Variants in ADAMTSL1 observed in about 807,000 individuals in gnomAD.
The protein encoded by ADAMTSL1 is ADAMTS like 1.
A neutral mutation model predicts 201.8 loss-of-function variants in ADAMTSL1; 126 were observed. That is an observed-to-expected ratio of 0.62 (90% CI 0.54 to 0.72). ADAMTSL1 has a LOEUF of 0.72. Among genes scored for constraint, ADAMTSL1 ranks in the 30% least tolerant of loss-of-function variants. The pLI is 0.00. For missense variants in ADAMTSL1, 2,679 were observed against 2,277.8 expected (o/e 1.18, Z -3.59); for synonymous variants, 1,121 against 903.4 (o/e 1.24, Z -4.32).
chr9:18,350,528 G>A (rs1285758053), intron 2 of ADAMTSL1, among the ~76,000 whole-genome samples: 5 of 151,636 alleles, frequency 3.3e-5, no homozygotes, highest in African/African-American at 1.2e-4. Flanking sequence ...TTTTTTCTGT[G>A]AAAACCCAGA....
chr9:18,294,533 G>T (rs1289117779), intron 2 of ADAMTSL1, among the ~76,000 whole-genome samples: 1 of 152,136 alleles, frequency 6.6e-6, no homozygotes, highest in Non-Finnish European at 1.5e-5. Context: ...CCTTTTTCCA[G>T]GTTTGCACAG....
chr9:18,031,839 G>C (rs1416832656), intron 1 of ADAMTSL1, among the ~76,000 whole-genome samples: 1 of 152,208 alleles, frequency 6.6e-6, no homozygotes, highest in South Asian at 2.1e-4. Context: ...GAGCTTGGCA[G>C]GGTCAGAGTG....
At chr9:18,218,510 G>A (rs149192371) in intron 2 of ADAMTSL1, among the ~76,000 whole-genome samples, 1 of 152,122 alleles carries the variant, frequency 6.6e-6, no homozygotes, top group African/African-American at 2.4e-5. Flanking sequence ...AACTGATAAA[G>A]TCTTTCTTTG....
chr9:18,189,570 A>G (rs1293059018), intron 2 of ADAMTSL1, among the ~76,000 whole-genome samples: 1 of 152,194 alleles, frequency 6.6e-6, no homozygotes, highest in East Asian at 1.9e-4. Flanking sequence ...AATTAAATAA[A>G]TAAATAAAAC....
At chr9:18,860,476 C>T (rs1217445669) in intron 23 of ADAMTSL1, among the ~76,000 whole-genome samples, 1 of 150,886 alleles carries the variant, frequency 6.6e-6, no homozygotes, top group East Asian at 1.9e-4. Context: ...CCATATGGCT[C>T]ACAAAGTCTA....
intron 2 of ADAMTSL1, among the ~76,000 whole-genome samples, chr9:18,377,028 A>G (rs535951686): frequency 6.6e-6 from 1 of 152,376 alleles, no homozygotes; most frequent in East Asian, 1.9e-4. Flanking sequence ...TGTGAAAACA[A>G]ATCCTCGAAA....
intron 4 of ADAMTSL1, among the ~76,000 whole-genome samples, chr9:18,601,434 A>G (rs2132539769): frequency 6.6e-6 from 1 of 152,310 alleles, no homozygotes; most frequent in South Asian, 2.1e-4. Flanking sequence ...ACTTAGCTCT[A>G]ATCATATTCT....
intron 26 of ADAMTSL1, among the ~76,000 whole-genome samples, chr9:18,894,125 A>G (rs1345388629): frequency 6.6e-6 from 1 of 152,224 alleles, no homozygotes; most frequent in Non-Finnish European, 1.5e-5. Flanking sequence ...TGTACAAAGA[A>G]TTTGGATTTT....
intron 1 of ADAMTSL1, among the ~76,000 whole-genome samples, chr9:18,149,186 C>A (rs1826792806): frequency 6.6e-6 from 1 of 151,896 alleles, no homozygotes; most frequent in African/African-American, 2.4e-5. Context: ...GTGAGCTCGT[C>A]ATCGGGCAAG....
At position 18,521,698 on chromosome 9, in the gene ADAMTSL1, T is replaced by C. The variant is rs147265756; in HGVS notation, c.192-11549T>C. ...TTGGGAGCAAGCCCCCTCAAAATAA[T>C]GCTTTTACATAAACAAGTTTCATTG... On this transcript the variant is annotated intron_variant, in intron 2 of 28. Transcript: ENST00000380548. 1.6e-3 allele frequency among the ~76,000 whole-genome samples: 240 copies of C among 152,262 alleles called. 1 individual carries two copies. Among genetic ancestry groups the C allele is most frequent in the African/African-American group, 5.4e-3 (226 of 41,556 alleles).
intron 1 of ADAMTSL1, among the ~76,000 whole-genome samples, chr9:18,089,741 G>A (rs1321181798): frequency 4.6e-5 from 7 of 152,196 alleles, no homozygotes; most frequent in Non-Finnish European, 1.0e-4. Flanking sequence ...AATGGTGGTT[G>A]TCAGGGTCTA....
At chr9:18,785,464 G>C (rs1053018182) in intron 19 of ADAMTSL1, among the ~76,000 whole-genome samples, 2 of 152,162 alleles carry the variant, frequency 1.3e-5, no homozygotes, top group Non-Finnish European at 2.9e-5. Flanking sequence ...ACTAAATTAG[G>C]CACTCAATAA....
chr9:17,995,405 A>T (rs1819328898), intron 1 of ADAMTSL1, among the ~76,000 whole-genome samples: 1 of 152,126 alleles, frequency 6.6e-6, no homozygotes, highest in African/African-American at 2.4e-5. Context: ...CTGGCAAAAG[A>T]AGGGCAACTA....
chr9:18,359,355 A>T (rs1276316613), intron 2 of ADAMTSL1, among the ~76,000 whole-genome samples: 9 of 152,120 alleles, frequency 5.9e-5, no homozygotes, highest in Non-Finnish European at 1.3e-4. Flanking sequence ...AATGTTTGGC[A>T]CCAATCATCT....
chr9:18,214,219 T>C (rs1348705193), intron 2 of ADAMTSL1, among the ~76,000 whole-genome samples: 2 of 152,194 alleles, frequency 1.3e-5, no homozygotes, highest in Non-Finnish European at 2.9e-5. Context: ...GAATTACATT[T>C]AGAAAATATA....
chr9:18,869,608 TTA>T (rs1827763561), intron 23 of ADAMTSL1, among the ~76,000 whole-genome samples: 1 of 152,210 alleles, frequency 6.6e-6, no homozygotes, highest in Admixed American at 6.5e-5. Context: ...GTTCACCAGT[TTA>T]TGTTTCCCCA....
At chr9:18,708,595 G>A (rs1014226927) in intron 14 of ADAMTSL1, among the ~76,000 whole-genome samples, 1 of 152,216 alleles carries the variant, frequency 6.6e-6, no homozygotes, top group Non-Finnish European at 1.5e-5. Context: ...AGGTAGAAAG[G>A]CTGTTAGCCA....
rs71333072 is a variant in ADAMTSL1, at chr9:18,904,633, C to CAA, written c.4852-1111_4852-1110dup. On this transcript the variant is annotated intron_variant, in intron 26 of 28. Transcript: ENST00000380548. The stretch of plus-strand genomic sequence containing the variant: ...TGGGCAACAGAAAGAGACCCTGCCT[C>CAA]AAAAAAAAAAAAAAAAAAAAAAAAA... Among the ~76,000 whole-genome samples, 22 of 15,006 alleles carry CAA rather than the reference C, an allele frequency of 1.5e-3. 6 individuals carry two copies. Among genetic ancestry groups the CAA allele is most frequent in the Admixed American group, 0.011 (6 of 548 alleles). 9.8% of individuals were successfully genotyped at this position (15,006 alleles called of 152,430 possible). A position where few individuals can be genotyped will look rare whatever the true frequency, so the allele number is the denominator to read the frequency against.
intron 2 of ADAMTSL1, among the ~76,000 whole-genome samples, chr9:18,267,485 G>A (rs1021979222): frequency 6.6e-6 from 1 of 152,006 alleles, no homozygotes; most frequent in Non-Finnish European, 1.5e-5. Flanking sequence ...ACAAATGGCA[G>A]GAAATGTAAA....
Sources: allele counts gnomAD v4.1 joint callset (sites outside exome capture counted in the v4.1 genomes callset), GRCh38; gene constraint gnomAD v4.1.1; transcripts MANE v1.5; gene names NCBI Gene and HGNC (gene_info 2026-07-23, HGNC 2026-07-21).